The following SENP1 variants were observed in gnomAD, a reference collection of about 807,000 sequenced individuals.
SENP1 encodes sentrin-specific protease 1.
In SENP1, 21 loss-of-function variants were observed where a neutral mutation model predicts 93.0. The ratio of observed to expected loss-of-function variants is 0.23; its 90% CI spans 0.16 to 0.33. The LOEUF (loss-of-function observed/expected upper bound fraction) is 0.33. Ranked by LOEUF, SENP1 falls within the 10% of genes least tolerant of loss-of-function variation. The probability of loss-of-function intolerance (pLI) is 1.00; values close to 1 mark genes in which losing one functional copy is unlikely to be tolerated. For synonymous variants in SENP1, 256 were observed against 259.6 expected, an observed-to-expected ratio of 0.99 and a Z score of 0.13; for missense variants, 591 against 758.7, an observed-to-expected ratio of 0.78 and a Z score of 2.60.
intron 6 of SENP1, among the ~76,000 whole-genome samples, chr12:48,080,944 T>C (rs936599164): frequency 6.6e-6 from 1 of 152,196 alleles, no homozygotes; most frequent in African/African-American, 2.4e-5. Flanking sequence ...ACCCAACCTG[T>C]GGCCTGGAGG....
chr12:48,060,092 C>A (rs926292457), intron 13 of SENP1, among the ~76,000 whole-genome samples: 1 of 152,168 alleles, frequency 6.6e-6, no homozygotes. Flanking sequence ...ACACCCCACC[C>A]TAGAAAGCTG....
At chr12:48,096,817 A>C (rs1945597204) in intron 3 of SENP1, among the ~76,000 whole-genome samples, 1 of 152,136 alleles carries the variant, frequency 6.6e-6, no homozygotes, top group Non-Finnish European at 1.5e-5. Context: ...ATTAAACAAG[A>C]CTATAAGCCA....
In SENP1 at chr12:48,045,309, A is replaced by C; in HGVS notation, c.*13T>G. The stretch of plus-strand genomic sequence containing the variant: ...TCCCCCACATGGTCAAGGTCTGCTA[A>C]GTGAGACAGTCTTCACAAGAGTTTT... On this transcript the variant is annotated 3_prime_UTR_variant, in exon 18 of 18. Coordinates refer to ENST00000549518, the MANE Select transcript of SENP1 (RefSeq NM_001267594.2). 9 of 1,611,828 alleles carry C rather than the reference A, an allele frequency of 5.6e-6. No individual in the cohort carries two copies. The highest frequency in any genetic ancestry group is 7.6e-6 in the Non-Finnish European group (9 of 1,178,132).
At chr12:48,070,326 G>A (rs1592366325) in intron 9 of SENP1, among the ~76,000 whole-genome samples, 1 of 152,124 alleles carries the variant, frequency 6.6e-6, no homozygotes, top group Non-Finnish European at 1.5e-5. Flanking sequence ...CTTTATCAGA[G>A]ACTTTCCATG....
At chr12:48,071,623 T>C (rs765283123) in intron 9 of SENP1, 44 bp downstream of exon 9, 1 of 1,361,712 alleles carries the variant, frequency 7.3e-7, no homozygotes. Flanking sequence ...CTCAAAAAGA[T>C]ATATTAATTA....
intron 12 of SENP1, among the ~76,000 whole-genome samples, chr12:48,064,627 G>A (rs769400294): frequency 6.6e-5 from 10 of 152,106 alleles, no homozygotes; most frequent in Non-Finnish European, 2.9e-5. Context: ...TAAAATAAGC[G>A]AAAGCTGAAA....
intron 10 of SENP1, 60 bp downstream of exon 10, chr12:48,066,867 A>T: frequency 1.5e-6 from 2 of 1,317,230 alleles, no homozygotes; most frequent in South Asian, 1.3e-5. Context: ...TAATTGTTTG[A>T]TTTCTTCTAA....
At chr12:48,057,154 T>C (rs575106288) in intron 13 of SENP1, among the ~76,000 whole-genome samples, 39 of 103,620 alleles carry the variant, frequency 3.8e-4, no homozygotes, top group African/African-American at 1.4e-3. Context: ...TAATATATTA[T>C]ATATTACATA....
At chr12:48,097,759 C>T (rs915049250) in intron 3 of SENP1, 1 of 347,988 alleles carries the variant, frequency 2.9e-6, no homozygotes, top group African/African-American at 2.1e-5. Context: ...TTCAGAGGAA[C>T]AATGAGTTTT....
intron 13 of SENP1, among the ~76,000 whole-genome samples, chr12:48,056,456 T>C (rs1389195093): frequency 2.9e-4 from 32 of 108,702 alleles, no homozygotes; most frequent in Non-Finnish European, 4.4e-4. Context: ...ATATATTACA[T>C]ATTACATATA....
rs936141337 is a variant in SENP1, at chr12:48,106,054, G to A, written c.-71C>T. On this transcript the variant is annotated 5_prime_UTR_variant, in exon 1 of 18. Transcript: ENST00000549518. Reference sequence around the variant, plus strand: ...GAACCGGAACCGGCTGCCATGCGAAGGGGTTTCCGGCCGGGCGCGGAACGC... The same window carrying A: ...GAACCGGAACCGGCTGCCATGCGAAAGGGTTTCCGGCCGGGCGCGGAACGC... 6.5e-5 allele frequency: 46 copies of A among 702,392 alleles called. No individual in the cohort carries two copies. In the African/African-American group the frequency reaches 8.0e-4, roughly 12 times the overall value. The allele number at this position is 702,392 out of a possible 1,614,324, so 43.5% of individuals were successfully genotyped here.
chr12:48,074,540 C>T lies in SENP1; in HGVS notation c.724G>A (p.Ala242Thr). ...GTATCAGAGCCAATGATCTGAGATG[C>T]ACAAGAGTTTCCATTTTTAAACAGT... ...DSLFKNGNSC[A>T]SQIIGSDTSS... Residue 242 changes from alanine to threonine, a missense_variant, in exon 8 of 18, where the codon GCA becomes ACA. Ala to Thr is a moderately conservative substitution (Grantham distance 58, BLOSUM62 0). This residue lies in a region of SENP1 where 238 missense variants were observed against 259.1 expected (regional missense o/e 0.92). Coordinates refer to ENST00000549518, the MANE Select transcript of SENP1 (RefSeq NM_001267594.2). The T allele has an allele frequency of 6.2e-7, 1 of 1,613,612 alleles. No homozygotes were observed. The highest frequency in any genetic ancestry group is 1.1e-5 in the South Asian group (1 of 91,066).
intron 5 of SENP1, 42 bp downstream of exon 5, chr12:48,088,759 G>A (rs371970687): frequency 1.9e-6 from 3 of 1,566,688 alleles, no homozygotes; most frequent in African/African-American, 2.7e-5. Context: ...TTTCTCTTAT[G>A]TCTGAGGAAG....
Position 48,063,802 on chromosome 12 carries a change from T to A in SENP1, c.1315A>T (p.Asn439Tyr). The change falls in exon 13 of 18, where the codon AAT (asparagine) becomes TAT (tyrosine). Residue 439 changes from asparagine (N) to tyrosine (Y), a missense_variant. By Grantham distance (143) the Asn-to-Tyr change is moderately radical. Coordinates refer to ENST00000549518, the MANE Select transcript of SENP1 (RefSeq NM_001267594.2). Reference sequence around the variant, plus strand: ...GCTTCACTGAGAACTTCATCCTGATTCCCATTACGAAATACATTCTTTATT... The same window carrying A: ...GCTTCACTGAGAACTTCATCCTGATACCCATTACGAAATACATTCTTTATT... ...KEIKNVFRNGNQDEVLSEAFR... is the reference protein window; with the variant it reads ...KEIKNVFRNGYQDEVLSEAFR... 1 of 1,612,830 alleles carries A rather than the reference T, an allele frequency of 6.2e-7. No homozygotes were observed. The highest frequency in any genetic ancestry group is 8.5e-7 in the Non-Finnish European group (1 of 1,179,382).
intron 2 of SENP1, among the ~76,000 whole-genome samples, chr12:48,100,969 T>C (rs915738538): frequency 5.9e-5 from 9 of 152,226 alleles, no homozygotes; most frequent in Admixed American, 3.3e-4. Context: ...TAAATGAGCA[T>C]ATAAACAATG....
intron 3 of SENP1, among the ~76,000 whole-genome samples, chr12:48,096,635 T>G (rs1945581506): frequency 6.6e-6 from 1 of 152,136 alleles, no homozygotes; most frequent in Non-Finnish European, 1.5e-5. Flanking sequence ...TTTGTATTTT[T>G]AGTAGAGACG....
chr12:48,095,812 T>C (rs2137273415), intron 4 of SENP1, among the ~76,000 whole-genome samples: 1 of 152,282 alleles, frequency 6.6e-6, no homozygotes. Context: ...GCCTAGAGAA[T>C]GCTGACTTCT....
intron 1 of SENP1, among the ~76,000 whole-genome samples, chr12:48,102,228 T>C (rs984580397): frequency 3.9e-5 from 6 of 152,070 alleles, no homozygotes; most frequent in African/African-American, 1.4e-4. Context: ...GGTCAAGACT[T>C]GGAGGCCAGC....
chr12:48,050,643 A>C (rs989526146), intron 13 of SENP1, among the ~76,000 whole-genome samples: 7 of 152,232 alleles, frequency 4.6e-5, no homozygotes, highest in Non-Finnish European at 8.8e-5. Flanking sequence ...TTTCTTAACT[A>C]TAAGTTTTCA....
Sources: allele counts gnomAD v4.1 joint callset (sites outside exome capture counted in the v4.1 genomes callset), GRCh38; gene constraint gnomAD v4.1.1; regional missense constraint gnomAD v4.1.1; transcripts MANE v1.5; gene names NCBI Gene and HGNC (gene_info 2026-07-23, HGNC 2026-07-21).